The following OR2L13 variants were observed in gnomAD, a reference collection of about 807,000 sequenced individuals.
The protein encoded by OR2L13 is olfactory receptor 2L13.
Under a neutral mutation model 15.3 loss-of-function variants are expected in OR2L13, and 14 were observed. The ratio of observed to expected loss-of-function variants is 0.91; its 90% CI spans 0.60 to 1.43. The LOEUF (loss-of-function observed/expected upper bound fraction) is 1.43. Among genes scored for constraint, OR2L13 ranks in the 40% most tolerant of loss-of-function variants. The probability of loss-of-function intolerance (pLI) is 0.00; values close to 1 mark genes in which losing one functional copy is unlikely to be tolerated. For synonymous variants in OR2L13, 152 were observed against 142.9 expected, an observed-to-expected ratio of 1.06 and a Z score of -0.45; for missense variants, 367 against 387.9, an observed-to-expected ratio of 0.95 and a Z score of 0.45.
At chr1:248,068,131 T>G in the OR2L13 span, among the ~76,000 whole-genome samples, 2 of 152,182 alleles carry the variant, frequency 1.3e-5, no homozygotes, top group Non-Finnish European at 2.9e-5. Context: ...TCTGACAGCT[T>G]TGAAGAGAGC....
the OR2L13 span, among the ~76,000 whole-genome samples, chr1:247,994,971 T>C: frequency 6.6e-6 from 1 of 152,224 alleles, no homozygotes; most frequent in Admixed American, 6.5e-5. Flanking sequence ...CTTTCCTTAG[T>C]ATGGTATGTA....
chr1:248,000,920 TTAA>T, the OR2L13 span, among the ~76,000 whole-genome samples: 1 of 152,114 alleles, frequency 6.6e-6, no homozygotes, highest in Non-Finnish European at 1.5e-5. Context: ...AGTTTTTGAC[TTAA>T]TAAATTTAAT....
chr1:248,073,203 A>G, the OR2L13 span, among the ~76,000 whole-genome samples: 1 of 151,986 alleles, frequency 6.6e-6, no homozygotes, highest in Non-Finnish European at 1.5e-5. Context: ...ACTATTCACA[A>G]TAGCAAAGAC....
the OR2L13 span, among the ~76,000 whole-genome samples, chr1:247,981,392 C>T: frequency 6.6e-6 from 1 of 151,964 alleles, no homozygotes; most frequent in Non-Finnish European, 1.5e-5. Flanking sequence ...AATAAAGGAC[C>T]CTCTTCTGAA....
chr1:248,060,924 A>T, the OR2L13 span: 3 of 1,613,920 alleles, frequency 1.9e-6, no homozygotes, highest in Non-Finnish European at 2.5e-6. Flanking sequence ...CTAAGATGGC[A>T]TCTGATTTTC....
At chr1:247,991,082 T>C in the OR2L13 span, 1 of 1,590,576 alleles carries the variant, frequency 6.3e-7, no homozygotes. Context: ...GAGGACAAGG[T>C]TCTGGCTGTC....
chr1:248,085,111 C>T, the OR2L13 span, among the ~76,000 whole-genome samples: 1 of 152,062 alleles, frequency 6.6e-6, no homozygotes, highest in Non-Finnish European at 1.5e-5. Context: ...ACTGTCTTCC[C>T]ATATAGTGTA....
the OR2L13 span, among the ~76,000 whole-genome samples, chr1:248,050,111 G>A: frequency 6.6e-6 from 1 of 152,044 alleles, no homozygotes. Flanking sequence ...GAAAGTTCAC[G>A]CCTCCCTCCT....
At chr1:247,970,277 A>G in the OR2L13 span, among the ~76,000 whole-genome samples, 1 of 152,208 alleles carries the variant, frequency 6.6e-6, no homozygotes, top group Non-Finnish European at 1.5e-5. Flanking sequence ...GTCAATTAAC[A>G]TGTATACGTA....
the OR2L13 span, chr1:247,949,541 A>G: frequency 1.2e-6 from 2 of 1,614,074 alleles, no homozygotes; most frequent in South Asian, 1.1e-5. Context: ...ACCACATGAA[A>G]TCTGCAGAAG....
chr1:248,088,237 C>CTTTGAGAAAT, the OR2L13 span, among the ~76,000 whole-genome samples: 20 of 152,028 alleles, frequency 1.3e-4, no homozygotes, highest in African/African-American at 4.6e-4. Flanking sequence ...TTAGGAATTA[C>CTTTGAGAAAT]ACTTTGAGAA....
the OR2L13 span, among the ~76,000 whole-genome samples, chr1:248,031,634 A>G: frequency 1.3e-5 from 2 of 152,088 alleles, no homozygotes; most frequent in Non-Finnish European, 2.9e-5. Flanking sequence ...AATTGAGGCA[A>G]TCTCCTAGTG....
the OR2L13 span, among the ~76,000 whole-genome samples, chr1:248,034,630 G>A: frequency 1.3e-5 from 2 of 152,088 alleles, no homozygotes; most frequent in Non-Finnish European, 2.9e-5. Flanking sequence ...CCATTTATCT[G>A]TGTCTTCTTT....
chr1:248,094,959 T>C (rs1664683006), upstream of OR2L13, among the ~76,000 whole-genome samples: 6 of 152,216 alleles, frequency 3.9e-5, no homozygotes, highest in Admixed American at 1.3e-4. Flanking sequence ...TACACCCCTC[T>C]TTAGTCTGAT....
the OR2L13 span, among the ~76,000 whole-genome samples, chr1:248,010,804 G>A: frequency 2.3e-5 from 1 of 43,022 alleles, no homozygotes; most frequent in Non-Finnish European, 4.3e-5. Flanking sequence ...CATTTGCTTA[G>A]TAAATCTTCC....
the OR2L13 span, among the ~76,000 whole-genome samples, chr1:247,955,843 GC>G: frequency 6.6e-6 from 1 of 151,918 alleles, no homozygotes; most frequent in Non-Finnish European, 1.5e-5. Context: ...TATATTATTA[GC>G]CCTTTTTCAG....
the OR2L13 span, among the ~76,000 whole-genome samples, chr1:247,944,493 G>A: frequency 3.3e-5 from 5 of 152,022 alleles, no homozygotes; most frequent in African/African-American, 9.7e-5. Flanking sequence ...AGTAAGTGTG[G>A]TTCTTCTCCC....
chr1:248,066,836 GC>G, the OR2L13 span, among the ~76,000 whole-genome samples: 4 of 152,328 alleles, frequency 2.6e-5, no homozygotes, highest in African/African-American at 9.6e-5. Flanking sequence ...GTCTGGTGAA[GC>G]TAGCAGTGCC....
chr1:247,976,577 GATGTCAAACATC>G, the OR2L13 span, among the ~76,000 whole-genome samples: 4 of 152,178 alleles, frequency 2.6e-5, no homozygotes, highest in African/African-American at 9.7e-5. Context: ...CATGTAGTTG[GATGTCAAACATC>G]ATGTTGTACA....
Sources: gnomAD v4.1 joint callset for allele counts (sites outside exome capture counted in the v4.1 genomes callset) on GRCh38, gnomAD v4.1.1 for gene constraint, MANE v1.5 for transcripts, NCBI Gene and HGNC (gene_info 2026-07-23, HGNC 2026-07-21) for gene names.